The following MYRFL variants were observed in gnomAD, a reference collection of about 807,000 sequenced individuals.
MYRFL encodes myelin regulatory factor-like protein.
MYRFL carries 88 observed loss-of-function variants against 109.4 expected under a neutral mutation model. That is an observed-to-expected ratio of 0.80 (90% CI 0.68 to 0.96). The LOEUF is 0.96. Among genes scored for constraint, MYRFL ranks in the 40% least tolerant of loss-of-function variants. The pLI is 0.00. For synonymous variants in MYRFL, 324 were observed against 320.9 expected (o/e 1.01, Z -0.10); for missense variants, 957 against 954.9 (o/e 1.00, Z -0.03).
rs147959789 is a variant in MYRFL at position 69,857,021 on chromosome 12, C to T, written c.137+1651C>T. 6.0e-3 allele frequency among the ~76,000 whole-genome samples: 905 copies of T among 151,808 alleles called. 8 individuals are homozygous for T. Among genetic ancestry groups the T allele is most frequent in the Non-Finnish European group, 9.1e-3 (620 of 67,762 alleles). On this transcript the variant is annotated intron_variant, in intron 2 of 24. Coordinates refer to ENST00000552032, the MANE Select transcript of MYRFL (RefSeq NM_182530.3). Reference sequence around the variant, plus strand: ...AAGTTTTATAGTTTTATATTTAGGTCTATGATCCATTTTGATTTTTTTTTG... The same window carrying T: ...AAGTTTTATAGTTTTATATTTAGGTTTATGATCCATTTTGATTTTTTTTTG...
intron 6 of MYRFL, 60 bp from the exon 7 acceptor site, chr12:69,890,911 A>T: frequency 7.7e-7 from 1 of 1,295,900 alleles, no homozygotes; most frequent in Non-Finnish European, 1.0e-6. Context: ...TAATACTGTT[A>T]ATGAAAATAA....
At chr12:69,910,611 C>A (rs370035970) in intron 12 of MYRFL, among the ~76,000 whole-genome samples, 3 of 148,924 alleles carry the variant, frequency 2.0e-5, no homozygotes, top group Non-Finnish European at 4.4e-5. Context: ...GCACTTACCT[C>A]CCCCCTGTTG....
chr12:69,936,076 ATGTTTT>A (rs1955446620), intron 16 of MYRFL, 31 bp from the exon 17 acceptor site: 4 of 1,383,456 alleles, frequency 2.9e-6, no homozygotes, highest in Non-Finnish European at 2.8e-6. Flanking sequence ...CTGCCACATA[ATGTTTT>A]TTTTTTTTTT....
At chr12:69,927,804 T>C (rs1955143968) in intron 15 of MYRFL, 56 bp downstream of exon 15, 4 of 1,442,454 alleles carry the variant, frequency 2.8e-6, no homozygotes, top group Admixed American at 4.8e-5. Flanking sequence ...AAAAAGTCTT[T>C]AGAGAAATCA....
In MYRFL at chr12:69,958,526, G is replaced by A; in HGVS notation, c.2728G>A (p.Ala910Thr). The A allele has an allele frequency of 6.5e-7, 1 of 1,531,732 alleles. No homozygotes were observed. Among genetic ancestry groups the A allele is most frequent in the Non-Finnish European group, 8.7e-7 (1 of 1,145,560 alleles). 94.9% of individuals were successfully genotyped at this position (1,531,732 alleles called of 1,614,324 possible). The change falls in exon 25 of 25, where the codon GCC (alanine) becomes ACC (threonine). Residue 910 changes from alanine (A) to threonine (T), a missense_variant. Ala to Thr is a moderately conservative substitution (Grantham distance 58, BLOSUM62 0). Transcript: ENST00000552032. The part of the protein sequence containing the change: ...DYFFYFYRRC[A>T] ...CTTCTTTTACTTCTATCGACGCTGT[G>A]CCTAATTTGTTCAAGTTTGGGGACT...
intron 13 of MYRFL, among the ~76,000 whole-genome samples, chr12:69,918,376 G>C (rs1954813793): frequency 6.6e-6 from 1 of 152,164 alleles, no homozygotes; most frequent in Non-Finnish European, 1.5e-5. Context: ...AATGTGTGAG[G>C]GCTGAGAAGA....
At chr12:69,891,670 TTTCTTTCTTTCTTTCGTTCGTTCG>T (rs1886891002) in intron 7 of MYRFL, among the ~76,000 whole-genome samples, 4 of 118,380 alleles carry the variant, frequency 3.4e-5, no homozygotes, top group African/African-American at 1.4e-4. Context: ...TCTTTCTTTC[TTTCTTTCTTTCTTTCGTTCGTTCG>T]TTCTTTCTTT....
At chr12:69,950,772 C>A (rs904302284) in intron 19 of MYRFL, among the ~76,000 whole-genome samples, 1 of 152,042 alleles carries the variant, frequency 6.6e-6, no homozygotes, top group Non-Finnish European at 1.5e-5. Flanking sequence ...TTATTTATTT[C>A]TTTTTTTACA....
rs533750552 is a variant in MYRFL, at chr12:69,833,472, T to G, written c.46+7909T>G. Among the ~76,000 whole-genome samples, 27 of 152,340 alleles carry G rather than the reference T, an allele frequency of 1.8e-4. No homozygotes were observed. The South Asian group carries it at 5.6e-3, about 32-fold the overall frequency. On this transcript the variant is annotated intron_variant, in intron 1 of 24. Transcript: ENST00000552032. ...GTCGAAGACAGCAGCCTGTGATCAGTAAGAAAACCACTATCATTTAATGAA... is the reference window on the plus strand; with the variant it reads ...GTCGAAGACAGCAGCCTGTGATCAGGAAGAAAACCACTATCATTTAATGAA...
chr12:69,830,086 C>G (rs1185334664), intron 1 of MYRFL, among the ~76,000 whole-genome samples: 1 of 152,090 alleles, frequency 6.6e-6, no homozygotes, highest in Admixed American at 6.5e-5. Context: ...TGATCTAACA[C>G]CACCTTACAC....
At position 69,897,143 on chromosome 12, in the gene MYRFL, GTCTCTGAATTAGATACT is replaced by G; in HGVS notation, c.1092-10_1098del. The G allele has an allele frequency of 6.5e-7, 1 of 1,527,380 alleles. No individual in the cohort carries two copies. Among genetic ancestry groups the G allele is most frequent in the Admixed American group, 2.0e-5 (1 of 50,988 alleles). The allele number at this position is 1,527,380 out of a possible 1,614,324, so 94.6% of individuals were successfully genotyped here. ...CCTGATGCATTGGCATTGGTCTGCT[GTCTCTGAATTAGATACT>G]TCATGTTGGTGGTTGGACTGTATGC... On this transcript the variant is annotated splice_acceptor_variant and splice_polypyrimidine_tract_variant and coding_sequence_variant and intron_variant, in exon 10 of 25. Coordinates refer to ENST00000552032, the MANE Select transcript of MYRFL (RefSeq NM_182530.3). LOFTEE classifies it high-confidence loss of function.
chr12:69,858,626 G>T (rs1334038687), intron 2 of MYRFL, among the ~76,000 whole-genome samples: 3 of 151,828 alleles, frequency 2.0e-5, no homozygotes, highest in Admixed American at 6.6e-5. Context: ...TAAATTTATG[G>T]CCATAGAGTT....
intron 22 of MYRFL, among the ~76,000 whole-genome samples, chr12:69,956,224 T>TAGTA (rs1296487533): frequency 6.7e-6 from 1 of 149,586 alleles, no homozygotes; most frequent in Non-Finnish European, 1.5e-5. Flanking sequence ...AAATCACAGG[T>TAGTA]AGTAAGTGAT....
At chr12:69,846,722 A>G in intron 1 of MYRFL, among the ~76,000 whole-genome samples, 1 of 152,058 alleles carries the variant, frequency 6.6e-6, no homozygotes, top group Non-Finnish European at 1.5e-5. Flanking sequence ...CAGTAATGGG[A>G]TGGCTGGGTC....
intron 2 of MYRFL, among the ~76,000 whole-genome samples, chr12:69,867,725 T>C (rs990560777): frequency 2.0e-5 from 3 of 152,204 alleles, no homozygotes; most frequent in African/African-American, 7.2e-5. Flanking sequence ...GCCATCACTA[T>C]AGTGGGGTTG....
At chr12:69,863,993 TG>T (rs1884854504) in intron 2 of MYRFL, among the ~76,000 whole-genome samples, 1 of 152,218 alleles carries the variant, frequency 6.6e-6, no homozygotes, top group African/African-American at 2.4e-5. Context: ...CTAGCCTCCA[TG>T]GTTTCTGATG....
intron 13 of MYRFL, among the ~76,000 whole-genome samples, chr12:69,920,155 A>G (rs1398695966): frequency 6.6e-6 from 1 of 152,132 alleles, no homozygotes; most frequent in Non-Finnish European, 1.5e-5. Flanking sequence ...TCCTGAGCCA[A>G]TCTCCTCGCA....
intron 2 of MYRFL, among the ~76,000 whole-genome samples, chr12:69,872,064 C>CGCATAACAA (rs201116400): frequency 0.076 from 11,595 of 152,186 alleles, 623 homozygotes; most frequent in Non-Finnish European, 0.11. Flanking sequence ...TATTTTGAAA[C>CGCATAACAA]TCTGTTATTA....
intron 1 of MYRFL, among the ~76,000 whole-genome samples, chr12:69,854,124 C>G (rs890230448): frequency 4.3e-4 from 65 of 152,320 alleles, no homozygotes; most frequent in African/African-American, 1.5e-3. Flanking sequence ...GCGGGCAGAT[C>G]ACTCGCGGTC....
Sources: allele counts gnomAD v4.1 joint callset (sites outside exome capture counted in the v4.1 genomes callset), GRCh38; gene constraint gnomAD v4.1.1; transcripts MANE v1.5; gene names NCBI Gene and HGNC (gene_info 2026-07-23, HGNC 2026-07-21).